Variants in ZNF593OS observed in about 807,000 individuals in gnomAD.
ZNF593OS encodes ZNF593 opposite strand.
exon 2 of ZNF593OS, chr1:26,170,555 C>G: frequency 6.2e-7 from 1 of 1,614,000 alleles, no homozygotes; most frequent in Non-Finnish European, 8.5e-7. Context: ...GCTCCCAACT[C>G]CTGTTTTTCT....
chr1:26,170,731 G>A (rs1222483631), exon 2 of ZNF593OS: 1 of 1,599,228 alleles, frequency 6.3e-7, no homozygotes, highest in Non-Finnish European at 8.5e-7. Flanking sequence ...GCCTGAAGAT[G>A]CAGGGCAGAG....
downstream of ZNF593OS, chr1:26,170,406 C>G (rs752396932): frequency 3.7e-6 from 6 of 1,612,304 alleles, no homozygotes; most frequent in Admixed American, 1.0e-4. Flanking sequence ...CTTCTCACTT[C>G]CATTCCTACA....
exon 2 of ZNF593OS, chr1:26,170,877 G>A: frequency 1.1e-6 from 1 of 906,654 alleles, no homozygotes; most frequent in Non-Finnish European, 1.6e-6. Context: ...AAGAGAACTT[G>A]CCTCCAACTC....
chr1:26,171,188 G>C lies in ZNF593OS; in HGVS notation c.*1C>G, dbSNP rs535536621. 2 of 405,136 alleles carry C rather than the reference G, an allele frequency of 4.9e-6. No individual in the cohort carries two copies. The highest frequency in any genetic ancestry group is 3.5e-5 in the East Asian group (1 of 28,302). The allele number at this position is 405,136 out of a possible 1,614,324, so 25.1% of individuals were successfully genotyped here. A position where few individuals can be genotyped will look rare whatever the true frequency, so the allele number is the denominator to read the frequency against. ...ATCCAAGTGAGAGTCTCTCTTCTTC[G>C]TTACGGGGCCCGTGGCACCCGCCGC... is the stretch of plus-strand genomic sequence containing the variant. On this transcript the variant is annotated 3_prime_UTR_variant, in exon 2 of 2. Coordinates refer to ENST00000648649, the Ensembl canonical transcript of ZNF593OS. The surrounding 1 kb of genome is among the most constrained non-coding windows in gnomAD (Gnocchi z 5.5).
chr1:26,170,664 C>T, exon 2 of ZNF593OS: 1 of 1,611,512 alleles, frequency 6.2e-7, no homozygotes, highest in Non-Finnish European at 8.5e-7. Flanking sequence ...AGGCGGCTGG[C>T]AGTGCCCACG....
downstream of ZNF593OS, chr1:26,170,155 G>T: frequency 6.4e-7 from 1 of 1,571,970 alleles, no homozygotes; most frequent in Non-Finnish European, 8.6e-7. Flanking sequence ...CCTGCCAGGG[G>T]GCGGTCTGCA....
chr1:26,170,848 CA>C lies in ZNF593OS; in HGVS notation c.*340del, dbSNP rs386352912. The C allele has an allele frequency of 2.8e-5, 33 of 1,195,266 alleles. No individual in the cohort carries two copies. In the African/African-American group the frequency reaches 3.8e-4, roughly 14 times the overall value. 74.0% of individuals were successfully genotyped at this position (1,195,266 alleles called of 1,614,324 possible). ...AGGGCCTCTTCTTGGTGCCCTGCCC[CA>C]AATAAAGGAACTGGACAAAGAGAAC... On this transcript the variant is annotated 3_prime_UTR_variant, in exon 2 of 2. Transcript: ENST00000648649.
Position 26,171,120 on chromosome 1 carries a change from G to T in ZNF593OS, c.*69C>A. 2 of 408,134 alleles carry T rather than the reference G, an allele frequency of 4.9e-6. No homozygotes were observed. The highest frequency in any genetic ancestry group is 8.7e-6 in the Non-Finnish European group (2 of 231,208). 25.3% of individuals were successfully genotyped at this position (408,134 alleles called of 1,614,324 possible). On this transcript the variant is annotated 3_prime_UTR_variant, in exon 2 of 2. Transcript: ENST00000648649. This position sits in a 1 kb window ranked among gnomAD's most constrained non-coding sequence, Gnocchi z 5.5. ...CAGAGACTGATCCCCAGAAAAGAAG[G>T]CTTCTGAGATTGCACCCCCCTCCCG... is the stretch of plus-strand genomic sequence containing the variant.
chr1:26,170,771 T>C, exon 2 of ZNF593OS: 1 of 1,571,444 alleles, frequency 6.4e-7, no homozygotes, highest in South Asian at 1.1e-5. Context: ...ACGCAAGGAC[T>C]AGGCTGGGAG....
rs1438731253 is a variant in ZNF593OS at position 26,171,299 on chromosome 1, TC to T, written c.81del (p.Ser28ValfsTer11). On this transcript the variant is annotated frameshift_variant, in exon 2 of 2. Transcript: ENST00000648649. LOFTEE classifies it high-confidence loss of function. This position sits in a 1 kb window ranked among gnomAD's most constrained non-coding sequence, Gnocchi z 5.5. ...GTAGCCACAACTCCTGCCAGCAGAC[TC>T]CGGGGCTCTGCCTTCAGCTCACCAG... The T allele has an allele frequency of 1.5e-5, 6 of 401,388 alleles. No individual in the cohort carries two copies. Among genetic ancestry groups the T allele is most frequent in the Non-Finnish European group, 2.2e-5 (5 of 228,014 alleles). 24.9% of individuals were successfully genotyped at this position (401,388 alleles called of 1,614,324 possible). A position where few individuals can be genotyped will look rare whatever the true frequency, so the allele number is the denominator to read the frequency against.
rs764571272 is a variant in ZNF593OS, at chr1:26,170,533, C to T, written c.*656G>A. Reference sequence around the variant, plus strand: ...GGATGGGTGCTCAGCAGATAGGGCTCTCACCTGGTCAGCTCCCAACTCCTG... The same window carrying T: ...GGATGGGTGCTCAGCAGATAGGGCTTTCACCTGGTCAGCTCCCAACTCCTG... On this transcript the variant is annotated 3_prime_UTR_variant, in exon 2 of 2. Transcript: ENST00000648649. 3.7e-6 allele frequency: 6 copies of T among 1,614,116 alleles called. No individual in the cohort carries two copies. The South Asian group carries it at 5.5e-5, about 15-fold the overall frequency.
rs2088497612 is a variant in ZNF593OS at position 26,171,578 on chromosome 1, G to T, written c.45+39C>A. ...CCCAGCTATGGTAGGGGGAGGAAGG[G>T]GTCAGTCGTGCCAGAAACCGTTGAT... On this transcript the variant is annotated intron_variant, in intron 1 of 1. Coordinates refer to ENST00000648649, the Ensembl canonical transcript of ZNF593OS. The surrounding 1 kb of genome is among the most constrained non-coding windows in gnomAD (Gnocchi z 5.5). The T allele has an allele frequency of 1.5e-5, 6 of 398,478 alleles. No individual in the cohort carries two copies. The highest frequency in any genetic ancestry group is 2.7e-5 in the Non-Finnish European group (6 of 226,084). The allele number at this position is 398,478 out of a possible 1,614,324, so 24.7% of individuals were successfully genotyped here.
Position 26,171,009 on chromosome 1 carries a change from A to G in ZNF593OS, c.*180T>C. 1.8e-6 allele frequency: 1 copy of G among 547,558 alleles called. No homozygotes were observed. Among genetic ancestry groups the G allele is most frequent in the Non-Finnish European group, 3.2e-6 (1 of 310,328 alleles). 33.9% of individuals were successfully genotyped at this position (547,558 alleles called of 1,614,324 possible). A position where few individuals can be genotyped will look rare whatever the true frequency, so the allele number is the denominator to read the frequency against. On this transcript the variant is annotated 3_prime_UTR_variant, in exon 2 of 2. Coordinates refer to ENST00000648649, the Ensembl canonical transcript of ZNF593OS. This position sits in a 1 kb window ranked among gnomAD's most constrained non-coding sequence, Gnocchi z 5.5. Reference sequence around the variant, plus strand: ...ATCTCTGCCTTCCCTCTGAGGTCCTAGCATCTGAACTGGAGCACCCAGATG... The same window carrying G: ...ATCTCTGCCTTCCCTCTGAGGTCCTGGCATCTGAACTGGAGCACCCAGATG...
chr1:26,169,773 T>A (rs760306337), downstream of ZNF593OS: 3 of 575,316 alleles, frequency 5.2e-6, no homozygotes, highest in Non-Finnish European at 8.8e-6. Context: ...TGGGCACACT[T>A]CTGGGAGCCC....
In ZNF593OS at chr1:26,170,608, G is replaced by C; in HGVS notation, c.*581C>G. 6.2e-7 allele frequency: 1 copy of C among 1,613,714 alleles called. No homozygotes were observed. The highest frequency in any genetic ancestry group is 1.3e-5 in the African/African-American group (1 of 75,062). The stretch of plus-strand genomic sequence containing the variant: ...AGCTGAGCGTCGAGCCCTACAGTCA[G>C]GAAGAGGCGGAGAGGGCAGCGGGTA... On this transcript the variant is annotated 3_prime_UTR_variant, in exon 2 of 2. Transcript: ENST00000648649.
In ZNF593OS at chr1:26,171,644, C is replaced by A. The variant is rs2088498423; in HGVS notation, c.18G>T (p.Leu6Phe). ...GTAACACCCGGAAGTAACCAGGGGT[C>A]AAGCGTCGAAATCGCATGGTGGGCG... Residue 6 changes from leucine (L) to phenylalanine (F), a missense_variant, in exon 1 of 2, where the codon TTG becomes TTT. Coordinates refer to ENST00000648649, the Ensembl canonical transcript of ZNF593OS. This position sits in a 1 kb window ranked among gnomAD's most constrained non-coding sequence, Gnocchi z 5.5. 2.5e-6 allele frequency: 1 copy of A among 398,656 alleles called. No homozygotes were observed. The highest frequency in any genetic ancestry group is 4.4e-6 in the Non-Finnish European group (1 of 226,086). 24.7% of individuals were successfully genotyped at this position (398,656 alleles called of 1,614,324 possible).
downstream of ZNF593OS, chr1:26,170,344 G>T: frequency 1.3e-6 from 2 of 1,554,762 alleles, no homozygotes; most frequent in Non-Finnish European, 8.7e-7. Context: ...TCAGGGACAA[G>T]CTAGGGCTAG....
At chr1:26,169,548 G>A (rs1273403590), downstream of ZNF593OS, 1 of 176,376 alleles carries the variant, frequency 5.7e-6, no homozygotes, top group Non-Finnish European at 1.2e-5. Flanking sequence ...TCATGACACA[G>A]ACATTTATCA....
chr1:26,169,899 G>C, downstream of ZNF593OS: 1 of 1,371,284 alleles, frequency 7.3e-7, no homozygotes, highest in Non-Finnish European at 9.6e-7. Flanking sequence ...GGCGTGGCCT[G>C]ACGTAGCTGA....
Sources: allele counts gnomAD v4.1 joint callset, GRCh38; gene constraint gnomAD v4.1.1; non-coding constraint Gnocchi (gnomAD v3.1); transcripts MANE v1.5; gene names NCBI Gene and HGNC (gene_info 2026-07-23, HGNC 2026-07-21).